The following CFAP58 variants were observed in gnomAD, a reference collection of about 807,000 sequenced individuals.
CFAP58 encodes cilia and flagella associated protein 58.
CFAP58 carries 88 observed loss-of-function variants against 119.5 expected under a neutral mutation model. That is an observed-to-expected ratio of 0.74 (90% confidence interval 0.62 to 0.88). CFAP58 has a LOEUF of 0.88. Ranked by LOEUF, CFAP58 falls within the 40% of genes least tolerant of loss-of-function variation. The pLI is 0.00. For synonymous variants in CFAP58, 365 were observed against 366.3 expected (o/e 1.00, Z 0.04); for missense variants, 990 against 1,021.2 (o/e 0.97, Z 0.42).
chr10:104,414,086 A>G (rs990511639), intron 15 of CFAP58, among the ~76,000 whole-genome samples: 4 of 152,160 alleles, frequency 2.6e-5, no homozygotes, highest in African/African-American at 9.7e-5. Context: ...TGGGGATTGC[A>G]GCACGTGGTG....
chr10:104,425,690 G>A (rs567549337), intron 15 of CFAP58, among the ~76,000 whole-genome samples: 35 of 152,294 alleles, frequency 2.3e-4, no homozygotes, highest in African/African-American at 7.9e-4. Context: ...GCCCAAACCC[G>A]TGCAGTCTGT....
chr10:104,346,175 G>A, the CFAP58 span, among the ~76,000 whole-genome samples: 1 of 151,922 alleles, frequency 6.6e-6, no homozygotes, highest in Non-Finnish European at 1.5e-5. Context: ...TAAACAAACG[G>A]ATCTCATGTG....
intron 3 of CFAP58, 135 bp downstream of exon 3, chr10:104,362,306 A>T: frequency 1.4e-6 from 1 of 709,592 alleles, no homozygotes; most frequent in Non-Finnish European, 2.2e-6. Context: ...GTTCTTAGAG[A>T]TTGTTTTCTG....
chr10:104,414,864 G>A (rs1395606071), intron 15 of CFAP58, among the ~76,000 whole-genome samples: 1 of 152,012 alleles, frequency 6.6e-6, no homozygotes, highest in African/African-American at 2.4e-5. Context: ...GGTAGAGACG[G>A]GGTTTCACCG....
intron 14 of CFAP58, among the ~76,000 whole-genome samples, chr10:104,405,469 T>C (rs1229305334): frequency 1.3e-5 from 2 of 152,198 alleles, no homozygotes; most frequent in Non-Finnish European, 2.9e-5. Flanking sequence ...AATTAGAAAA[T>C]AGAGACTCTG....
In CFAP58 at chr10:104,422,402, G is replaced by A. The variant is rs1275268711; in HGVS notation, c.2256+15609G>A. ...GAGTTAGGCCTCTGTGATAGCCTGA[G>A]TATCTGTTAGCTTTTTCTGTATAAT... On this transcript the variant is annotated intron_variant, in intron 15 of 17. Coordinates refer to ENST00000369704, the MANE Select transcript of CFAP58 (RefSeq NM_001008723.2). 2.0e-5 allele frequency among the ~76,000 whole-genome samples: 3 copies of A among 152,250 alleles called. No individual in the cohort carries two copies. The South Asian group carries it at 6.2e-4, about 32-fold the overall frequency.
At chr10:104,345,181 AT>A in the CFAP58 span, among the ~76,000 whole-genome samples, 3 of 152,074 alleles carry the variant, frequency 2.0e-5, 1 homozygote, top group African/African-American at 7.3e-5. Context: ...TATTCCTTTA[AT>A]ATAGCAGATT....
At chr10:104,420,352 G>A (rs888603526) in intron 15 of CFAP58, among the ~76,000 whole-genome samples, 1 of 152,158 alleles carries the variant, frequency 6.6e-6, no homozygotes, top group East Asian at 1.9e-4. Context: ...TGGTAAGCTC[G>A]ATTAGGCAGA....
At chr10:104,339,308 G>T in the CFAP58 span, among the ~76,000 whole-genome samples, 1 of 152,226 alleles carries the variant, frequency 6.6e-6, no homozygotes, top group Non-Finnish European at 1.5e-5. Context: ...TGTGACGGTA[G>T]ATCAAGTGTT....
At position 104,372,933 on chromosome 10, in the gene CFAP58, A is replaced by C. The variant is rs148300717; in HGVS notation, c.1090+1879A>C. On this transcript the variant is annotated intron_variant, in intron 7 of 17. Coordinates refer to ENST00000369704, the MANE Select transcript of CFAP58 (RefSeq NM_001008723.2). ...GGCACTGGGCATAATGGTTAGGAGCATGGGTCTCCCTCCTACATGTTATGA... is the reference window on the plus strand; with the variant it reads ...GGCACTGGGCATAATGGTTAGGAGCCTGGGTCTCCCTCCTACATGTTATGA... 4.8e-3 allele frequency among the ~76,000 whole-genome samples: 735 copies of C among 152,354 alleles called. 3 individuals carry two copies. The highest frequency in any genetic ancestry group is 8.2e-3 in the Non-Finnish European group (559 of 68,034).
chr10:104,433,779 T>A (rs2012887929), intron 15 of CFAP58, among the ~76,000 whole-genome samples: 1 of 152,252 alleles, frequency 6.6e-6, no homozygotes, highest in South Asian at 2.1e-4. Flanking sequence ...AGCATACTCT[T>A]CCAAAGAATG....
chr10:104,361,941 A>G, intron 2 of CFAP58, 82 bp from the exon 3 acceptor site: 4 of 1,320,546 alleles, frequency 3.0e-6, no homozygotes, highest in South Asian at 1.3e-5. Flanking sequence ...CACTGTGGTC[A>G]TGGTATTATT....
chr10:104,381,710 A>G (rs914302047), intron 9 of CFAP58, among the ~76,000 whole-genome samples: 2 of 152,164 alleles, frequency 1.3e-5, no homozygotes, highest in Non-Finnish European at 2.9e-5. Flanking sequence ...AACAAACTTT[A>G]CTGATAGGAA....
intron 15 of CFAP58, among the ~76,000 whole-genome samples, chr10:104,413,962 GC>G (rs1487909394): frequency 6.6e-6 from 1 of 152,134 alleles, no homozygotes; most frequent in Admixed American, 6.5e-5. Flanking sequence ...AAGTTCAAAT[GC>G]ACTTAACCTC....
intron 16 of CFAP58, 143 bp downstream of exon 16, chr10:104,447,960 C>A: frequency 9.8e-7 from 1 of 1,024,264 alleles, no homozygotes; most frequent in Non-Finnish European, 1.4e-6. Context: ...GAGCTCTAGT[C>A]TAGGATGAGC....
At chr10:104,358,029 A>G (rs996363836) in intron 1 of CFAP58, among the ~76,000 whole-genome samples, 3 of 148,338 alleles carry the variant, frequency 2.0e-5, no homozygotes, top group Admixed American at 6.7e-5. Context: ...ACATATATAT[A>G]CATATGTACA....
rs751444811 is a variant in CFAP58, at chr10:104,393,429, T to C, written c.1628T>C (p.Leu543Pro). ...ISAKESALVK[L>P]HLEQQRIEKE... ...GCCAAAGAGTCCGCACTTGTGAAGC[T>C]GCACCTGGAACAGCAGCGAATAGAA... is the stretch of plus-strand genomic sequence containing the variant. Residue 543 changes from leucine to proline, a missense_variant, in exon 11 of 18, where the codon CTG becomes CCG. Transcript: ENST00000369704. 2 of 1,614,058 alleles carry C rather than the reference T, an allele frequency of 1.2e-6. No homozygotes were observed. Among genetic ancestry groups the C allele is most frequent in the East Asian group, 4.5e-5 (2 of 44,878 alleles).
chr10:104,384,658 A>C (rs2011886008), intron 9 of CFAP58, among the ~76,000 whole-genome samples: 1 of 152,252 alleles, frequency 6.6e-6, no homozygotes, highest in Admixed American at 6.5e-5. Context: ...TCTTAACCTA[A>C]TAGAAGAAAA....
the CFAP58 span, among the ~76,000 whole-genome samples, chr10:104,345,004 C>T: frequency 6.6e-6 from 1 of 151,866 alleles, no homozygotes; most frequent in African/African-American, 2.4e-5. Flanking sequence ...AAAAATTAGC[C>T]GGGCATGGTG....
Sources: allele counts gnomAD v4.1 joint callset (sites outside exome capture counted in the v4.1 genomes callset), GRCh38; gene constraint gnomAD v4.1.1; transcripts MANE v1.5; gene names NCBI Gene and HGNC (gene_info 2026-07-23, HGNC 2026-07-21).